Variants in CRACDL observed in about 807,000 individuals in gnomAD.
The protein encoded by CRACDL is CRACD-like protein.
CRACDL carries 26 observed loss-of-function variants against 70.6 expected under a neutral mutation model. The observed-to-expected ratio is 0.37, with a 90% CI of 0.27 to 0.51. CRACDL has a LOEUF of 0.51. Among genes scored for constraint, CRACDL ranks in the 20% least tolerant of loss-of-function variants. The pLI, the probability that CRACDL is intolerant of heterozygous loss-of-function variation, is 0.94. For missense variants in CRACDL, 1,283 were observed against 1,376.9 expected (o/e 0.93, Z 1.08); for synonymous variants, 618 against 615.2 (o/e 1.00, Z -0.07).
chr2:98,891,849 C>A (rs982897660), intron 1 of CRACDL, among the ~76,000 whole-genome samples: 2 of 152,118 alleles, frequency 1.3e-5, no homozygotes, highest in Admixed American at 6.5e-5. Flanking sequence ...AGGGTGTCTG[C>A]GTGACTGTAT....
At chr2:98,850,465 A>G (rs1174597523) in intron 1 of CRACDL, among the ~76,000 whole-genome samples, 1 of 152,232 alleles carries the variant, frequency 6.6e-6, no homozygotes, top group East Asian at 1.9e-4. Flanking sequence ...GCAATGTGGC[A>G]AATACCCAAT....
intron 9 of CRACDL, among the ~76,000 whole-genome samples, chr2:98,795,077 A>ATATATATTTTTTTTTTTTTTTTT: frequency 6.8e-5 from 4 of 58,484 alleles, no homozygotes; most frequent in African/African-American, 2.6e-4. Context: ...ATATATATAT[A>ATATATATTTTTTTTTTTTTTTTT]TTTTTTTTTT....
chr2:98,839,060 A>G (rs1212528496), intron 2 of CRACDL, among the ~76,000 whole-genome samples: 1 of 152,258 alleles, frequency 6.6e-6, no homozygotes, highest in African/African-American at 2.4e-5. Flanking sequence ...GGAGGGATGC[A>G]GCATCGTAGA....
At chr2:98,810,903 A>G (rs1350764781) in intron 7 of CRACDL, among the ~76,000 whole-genome samples, 2 of 152,152 alleles carry the variant, frequency 1.3e-5, no homozygotes, top group Non-Finnish European at 1.5e-5. Context: ...GGGAACAGTT[A>G]AATAAAACAC....
chr2:98,866,872 A>C (rs1013107401), intron 1 of CRACDL, among the ~76,000 whole-genome samples: 1 of 152,078 alleles, frequency 6.6e-6, no homozygotes, highest in East Asian at 1.9e-4. Context: ...CAGCTAGACA[A>C]TGTCACATTT....
At chr2:98,879,696 C>G (rs368642256) in intron 1 of CRACDL, among the ~76,000 whole-genome samples, 40 of 152,308 alleles carry the variant, frequency 2.6e-4, no homozygotes, top group South Asian at 1.2e-3. Flanking sequence ...CAGGTGCACA[C>G]TGCCGTGCCC....
At chr2:98,881,060 G>A (rs962570491) in intron 1 of CRACDL, among the ~76,000 whole-genome samples, 5 of 152,176 alleles carry the variant, frequency 3.3e-5, no homozygotes, top group East Asian at 1.9e-4. Context: ...GAGCCGACAC[G>A]TCAGATGGGC....
intron 7 of CRACDL, among the ~76,000 whole-genome samples, chr2:98,817,054 A>G (rs566966597): frequency 3.3e-5 from 5 of 152,386 alleles, no homozygotes; most frequent in African/African-American, 1.2e-4. Context: ...TTGCAGCAAC[A>G]TGAATGAACC....
Position 98,914,110 on chromosome 2 carries a change from G to A in CRACDL, c.-11+21828C>T, listed in dbSNP as rs985198155. Among the ~76,000 whole-genome samples the A allele has an allele frequency of 5.9e-5, 9 of 152,352 alleles. No individual in the cohort carries two copies. The East Asian group carries it at 1.7e-3, about 29-fold the overall frequency. ...AGTAAGAGGCTGGCTGCCTGCCCAT[G>A]CCCCTCTCATGACTAGGAGCCAGGA... On this transcript the variant is annotated intron_variant, in intron 1 of 9. Transcript: ENST00000397899.
intron 1 of CRACDL, among the ~76,000 whole-genome samples, chr2:98,935,080 G>A (rs183890608): frequency 6.6e-6 from 1 of 152,254 alleles, no homozygotes; most frequent in Admixed American, 6.5e-5. Flanking sequence ...AATACCAGGG[G>A]TCTACACAGA....
intron 1 of CRACDL, among the ~76,000 whole-genome samples, chr2:98,934,456 A>G (rs1019900458): frequency 6.6e-6 from 1 of 152,022 alleles, no homozygotes; most frequent in African/African-American, 2.4e-5. Context: ...CGGCCTCCCA[A>G]AGTGCTGGGA....
intron 5 of CRACDL, 57 bp downstream of exon 5, chr2:98,832,291 C>A (rs199845604): frequency 1.1e-5 from 18 of 1,593,930 alleles, no homozygotes; most frequent in Admixed American, 3.3e-5. Context: ...CTCAGAGCTC[C>A]AGCACCCTCC....
chr2:98,931,154 G>T (rs566316841), intron 1 of CRACDL, among the ~76,000 whole-genome samples: 1 of 151,932 alleles, frequency 6.6e-6, no homozygotes, highest in Non-Finnish European at 1.5e-5. Flanking sequence ...GAGAAACCTC[G>T]TCTCTACTAA....
At chr2:98,829,242 CTT>C (rs1411792144) in intron 5 of CRACDL, among the ~76,000 whole-genome samples, 1 of 152,256 alleles carries the variant, frequency 6.6e-6, no homozygotes, top group Non-Finnish European at 1.5e-5. Context: ...GGGCAGATGT[CTT>C]GGGCTCAGGC....
chr2:98,918,653 A>T (rs1312739201), intron 1 of CRACDL, among the ~76,000 whole-genome samples: 1 of 148,624 alleles, frequency 6.7e-6, no homozygotes, highest in Non-Finnish European at 1.5e-5. Context: ...ATGATATCTC[A>T]TTGTGCTTTT....
chr2:98,853,018 G>C (rs1429652707), intron 1 of CRACDL, among the ~76,000 whole-genome samples: 2 of 109,274 alleles, frequency 1.8e-5, no homozygotes, highest in African/African-American at 7.0e-5. Flanking sequence ...GAGGGGAGGG[G>C]AAGGGAAGGG....
At chr2:98,795,077 A>ATATATATATATATATT in intron 9 of CRACDL, among the ~76,000 whole-genome samples, 21 of 58,476 alleles carry the variant, frequency 3.6e-4, no homozygotes, top group African/African-American at 1.3e-3. Context: ...ATATATATAT[A>ATATATATATATATATT]TTTTTTTTTT....
Position 98,851,142 on chromosome 2 carries a change from G to T in CRACDL, c.-10-4332C>A, listed in dbSNP as rs974536663. Reference sequence around the variant, plus strand: ...GGATTCTTTCTTAGCTCCCGGTACCGTTCTTTCACATTGCTCACCAAGGTT... The same window carrying T: ...GGATTCTTTCTTAGCTCCCGGTACCTTTCTTTCACATTGCTCACCAAGGTT... On this transcript the variant is annotated intron_variant, in intron 1 of 9. Coordinates refer to ENST00000397899, the MANE Select transcript of CRACDL (RefSeq NM_207362.3). Among the ~76,000 whole-genome samples the T allele has an allele frequency of 3.3e-5, 5 of 152,118 alleles. No homozygotes were observed. In the East Asian group the frequency reaches 7.7e-4, roughly 23 times the overall value.
chr2:98,882,793 G>A (rs1447681941), intron 1 of CRACDL, among the ~76,000 whole-genome samples: 2 of 152,190 alleles, frequency 1.3e-5, no homozygotes, highest in Admixed American at 6.5e-5. Context: ...TTTTAGATCT[G>A]TAGAACAAAG....
Sources: allele counts gnomAD v4.1 joint callset (sites outside exome capture counted in the v4.1 genomes callset), GRCh38; gene constraint gnomAD v4.1.1; transcripts MANE v1.5; gene names NCBI Gene and HGNC (gene_info 2026-07-23, HGNC 2026-07-21).